Variants in ERCC6L2 observed in about 807,000 individuals in gnomAD.
ERCC6L2 encodes ERCC excision repair 6 like 2.
ERCC6L2 carries 77 observed loss-of-function variants against 132.0 expected under a neutral mutation model. That is an observed-to-expected ratio of 0.58 (90% CI 0.49 to 0.71). The LOEUF is 0.71. ERCC6L2 is among the 30% of genes least tolerant of loss of function. ERCC6L2 has a pLI of 0.00. For missense variants in ERCC6L2, 1,542 were observed against 1,837.6 expected, an observed-to-expected ratio of 0.84 and a Z score of 2.94; for synonymous variants, 583 against 632.4, an observed-to-expected ratio of 0.92 and a Z score of 1.17.
chr9:95,902,474 C>CT (rs1015420249), intron 3 of ERCC6L2, among the ~76,000 whole-genome samples: 1 of 152,094 alleles, frequency 6.6e-6, no homozygotes, highest in African/African-American at 2.4e-5. Flanking sequence ...TTACTATACA[C>CT]TATTTTTTTA....
rs548324740 is a variant in ERCC6L2, at chr9:95,875,992, C to T, written c.-47C>T. On this transcript the variant is annotated 5_prime_UTR_variant, in exon 1 of 19. Transcript: ENST00000653738. ...CAGCCACCTTGCTGTCCTCCGCCGC[C>T]TTCCGGGTGTTACATGCAGCCGGGC... is the stretch of plus-strand genomic sequence containing the variant. 2.9e-5 allele frequency: 45 copies of T among 1,561,206 alleles called. No individual in the cohort carries two copies. In the Admixed American group the frequency reaches 6.3e-4, roughly 22 times the overall value.
intron 13 of ERCC6L2, among the ~76,000 whole-genome samples, 183 bp from the exon 14 acceptor site, chr9:95,966,379 G>C (rs1832157007): frequency 6.6e-6 from 1 of 152,160 alleles, no homozygotes; most frequent in African/African-American, 2.4e-5. Flanking sequence ...CAATAAGACT[G>C]GCCAGATTAT....
chr9:96,029,175 G>A lies in ERCC6L2; in HGVS notation c.*1504-9701G>A, dbSNP rs140161283. ...AAAAATTAGCCGGGCGTGGTGGCAC[G>A]TGACTGTAATCCCAGCTACTCGGGA... is the stretch of plus-strand genomic sequence containing the variant. On this transcript the variant is annotated intron_variant and NMD_transcript_variant, in intron 19 of 20. Transcript: ENST00000670016. Among the ~76,000 whole-genome samples, 68 of 151,922 alleles carry A rather than the reference G, an allele frequency of 4.5e-4. No individual in the cohort carries two copies. In the East Asian group the frequency reaches 0.013, roughly 29 times the overall value.
At chr9:95,975,884 A>C (rs1450780605) in intron 16 of ERCC6L2, among the ~76,000 whole-genome samples, 1 of 152,046 alleles carries the variant, frequency 6.6e-6, no homozygotes, top group Non-Finnish European at 1.5e-5. Flanking sequence ...TTTAAAAAAA[A>C]ATTTCTAAGT....
intron 18 of ERCC6L2, among the ~76,000 whole-genome samples, chr9:96,006,933 A>T (rs117212508): frequency 6.6e-6 from 1 of 152,196 alleles, no homozygotes; most frequent in Non-Finnish European, 1.5e-5. Flanking sequence ...CAGGAAAATC[A>T]TCTGTCCAGT....
chr9:95,899,600 A>ATATATATATGTGTG (rs746946004), intron 3 of ERCC6L2, among the ~76,000 whole-genome samples: 5 of 134,820 alleles, frequency 3.7e-5, no homozygotes, highest in African/African-American at 1.4e-4. Flanking sequence ...TTATATATAT[A>ATATATATATGTGTG]TGTGTGTGTG....
At chr9:95,952,543 A>G (rs200824351) in intron 12 of ERCC6L2, among the ~76,000 whole-genome samples, 1 of 152,228 alleles carries the variant, frequency 6.6e-6, no homozygotes, top group Non-Finnish European at 1.5e-5. Context: ...AAAATTCAAC[A>G]TCTTTTTAAA....
At chr9:95,889,463 A>ATG (rs1187527900) in intron 2 of ERCC6L2, among the ~76,000 whole-genome samples, 1 of 151,682 alleles carries the variant, frequency 6.6e-6, no homozygotes, top group African/African-American at 2.4e-5. Flanking sequence ...ATATCTGTCA[A>ATG]TATATGTGTG....
intron 17 of ERCC6L2, among the ~76,000 whole-genome samples, chr9:95,981,767 ACCT>A (rs1832903089): frequency 6.6e-6 from 1 of 152,136 alleles, no homozygotes; most frequent in African/African-American, 2.4e-5. Flanking sequence ...GTGATGTGAT[ACCT>A]CCTTTTCTCA....
At chr9:95,892,180 G>C (rs1482914580) in intron 2 of ERCC6L2, among the ~76,000 whole-genome samples, 1 of 151,874 alleles carries the variant, frequency 6.6e-6, no homozygotes, top group Non-Finnish European at 1.5e-5. Flanking sequence ...AGGTCTTGGA[G>C]ATCTTTTTAT....
intron 11 of ERCC6L2, chr9:95,929,210 A>C: frequency 6.0e-6 from 1 of 167,484 alleles, no homozygotes; most frequent in Non-Finnish European, 1.3e-5. Context: ...CTGTAGCAGC[A>C]GTTTTCCCAC....
At chr9:96,026,624 A>C (rs908389584) in intron 19 of ERCC6L2, among the ~76,000 whole-genome samples, 1 of 148,788 alleles carries the variant, frequency 6.7e-6, no homozygotes, top group Non-Finnish European at 1.5e-5. Context: ...ACACCACACT[A>C]TACACACCAC....
chr9:95,983,232 G>T (rs1363342074), intron 17 of ERCC6L2, among the ~76,000 whole-genome samples: 8 of 152,100 alleles, frequency 5.3e-5, no homozygotes, highest in Non-Finnish European at 8.8e-5. Flanking sequence ...AACTGTGGCT[G>T]ATTTCTAATG....
At chr9:95,917,698 C>G (rs1340747772) in intron 6 of ERCC6L2, among the ~76,000 whole-genome samples, 1 of 152,098 alleles carries the variant, frequency 6.6e-6, no homozygotes, top group Non-Finnish European at 1.5e-5. Flanking sequence ...TAGAGCTTGG[C>G]CTCTGAAATC....
At chr9:95,957,451 A>AT (rs1258451057) in intron 13 of ERCC6L2, among the ~76,000 whole-genome samples, 8 of 135,874 alleles carry the variant, frequency 5.9e-5, no homozygotes, top group African/African-American at 8.3e-5. Context: ...CTTGAAAATT[A>AT]TTTTTTTCTA....
In ERCC6L2 at chr9:95,921,212, T is replaced by C; in HGVS notation, c.1196T>C (p.Val399Ala). ...YCSLTDFQKA[V>A]YQTVLETEDV... ...TCTTTGACAGATTTCCAGAAAGCTG[T>C]CTATCAAACAGTGTTAGAAACAGAG... is the stretch of plus-strand genomic sequence containing the variant. Residue 399 changes from valine to alanine, a missense_variant, in exon 7 of 19, where the codon GTC becomes GCC. Around this residue, in one of 4 missense-constraint regions of ERCC6L2, gnomAD observed 945 missense variants for 1,105.2 expected, o/e 0.86. Transcript: ENST00000653738. 1 of 1,613,194 alleles carries C rather than the reference T, an allele frequency of 6.2e-7. No homozygotes were observed. Among genetic ancestry groups the C allele is most frequent in the East Asian group, 2.2e-5 (1 of 44,754 alleles).
chr9:95,876,731 A>G (rs1203565968), intron 1 of ERCC6L2: 1 of 152,212 alleles, frequency 6.6e-6, no homozygotes, highest in Non-Finnish European at 1.5e-5. Context: ...GAGCCCAGCA[A>G]TATGCTGATT....
At chr9:95,930,463 T>C (rs1446303413) in intron 11 of ERCC6L2, among the ~76,000 whole-genome samples, 1 of 152,172 alleles carries the variant, frequency 6.6e-6, no homozygotes, top group Non-Finnish European at 1.5e-5. Flanking sequence ...TAATATGTTG[T>C]GACAGAAATG....
intron 9 of ERCC6L2, among the ~76,000 whole-genome samples, chr9:95,927,250 G>A (rs1170823611): frequency 1.3e-5 from 2 of 152,012 alleles, no homozygotes; most frequent in African/African-American, 4.8e-5. Context: ...TCTTGATTGA[G>A]TAAGTGTTAT....
Sources: gnomAD v4.1 joint callset for allele counts (sites outside exome capture counted in the v4.1 genomes callset) on GRCh38, gnomAD v4.1.1 for gene constraint, gnomAD v4.1.1 regional missense constraint, MANE v1.5 for transcripts, NCBI Gene and HGNC (gene_info 2026-07-23, HGNC 2026-07-21) for gene names.